AUTS2: variants seen among roughly 807,000 people sequenced by gnomAD.
AUTS2 encodes the protein autism susceptibility gene 2 protein.
In AUTS2, 17 loss-of-function variants were observed where a neutral mutation model predicts 112.4. The observed-to-expected ratio is 0.15, with a 90% CI of 0.10 to 0.23. AUTS2 has a LOEUF of 0.23. AUTS2 is among the 10% of genes least tolerant of loss of function. The pLI is 1.00. For synonymous variants in AUTS2, 751 were observed against 702.7 expected, an observed-to-expected ratio of 1.07 and a Z score of -1.09; for missense variants, 1,510 against 1,701.6, an observed-to-expected ratio of 0.89 and a Z score of 1.98.
At chr7:70,157,876 G>A (rs1172441376) in intron 4 of AUTS2, among the ~76,000 whole-genome samples, 1 of 152,172 alleles carries the variant, frequency 6.6e-6, no homozygotes, top group Non-Finnish European at 1.5e-5. Flanking sequence ...TAAGTTCATG[G>A]CCTTACAATG....
chr7:69,670,526 G>A (rs1796269365), intron 1 of AUTS2, among the ~76,000 whole-genome samples: 1 of 117,810 alleles, frequency 8.5e-6, no homozygotes, highest in Admixed American at 1.0e-4. Flanking sequence ...AAAACCATTA[G>A]TAACATGGTT....
intron 5 of AUTS2, among the ~76,000 whole-genome samples, chr7:70,554,370 CTTT>C (rs947429302): frequency 7.0e-6 from 1 of 143,244 alleles, no homozygotes; most frequent in African/African-American, 2.6e-5. Flanking sequence ...TGCCCGGCCT[CTTT>C]TTTTTCTTTT....
At chr7:69,740,534 CTTTTT>C (rs1787219401) in intron 1 of AUTS2, among the ~76,000 whole-genome samples, 1 of 128,242 alleles carries the variant, frequency 7.8e-6, no homozygotes, top group Non-Finnish European at 1.7e-5. Context: ...TTTTTTTTTT[CTTTTT>C]TGAGATGGAG....
chr7:70,401,605 G>A (rs1356669416), intron 4 of AUTS2, among the ~76,000 whole-genome samples: 1 of 152,158 alleles, frequency 6.6e-6, no homozygotes, highest in Non-Finnish European at 1.5e-5. Context: ...AGAGTAGAGA[G>A]GAAAGGATCC....
chr7:70,734,214 C>T (rs1273984059), intron 6 of AUTS2, among the ~76,000 whole-genome samples: 2 of 151,760 alleles, frequency 1.3e-5, no homozygotes, highest in Non-Finnish European at 2.9e-5. Context: ...CCGAGGCGGG[C>T]GGATCACGAG....
intron 2 of AUTS2, among the ~76,000 whole-genome samples, chr7:70,027,998 A>C (rs888382532): frequency 6.6e-6 from 1 of 152,122 alleles, no homozygotes; most frequent in Non-Finnish European, 1.5e-5. Context: ...TTGTGGCTTG[A>C]TCTTGATGAG....
chr7:69,993,641 G>T (rs747435316), intron 2 of AUTS2, among the ~76,000 whole-genome samples: 5 of 152,062 alleles, frequency 3.3e-5, no homozygotes, highest in Admixed American at 6.5e-5. Context: ...GGCTGAGGTA[G>T]GAGGATCGCT....
intron 1 of AUTS2, among the ~76,000 whole-genome samples, chr7:69,871,081 C>T (rs572606708): frequency 1.3e-5 from 2 of 152,206 alleles, no homozygotes; most frequent in East Asian, 3.9e-4. Flanking sequence ...TGTTGATATG[C>T]ACACATTTAA....
intron 2 of AUTS2, among the ~76,000 whole-genome samples, chr7:69,960,242 A>G (rs1414913372): frequency 6.6e-6 from 1 of 152,186 alleles, no homozygotes; most frequent in East Asian, 1.9e-4. Flanking sequence ...GCTGCGCTCT[A>G]AGTAGAGACA....
At chr7:70,454,744 G>T (rs1327173859) in intron 5 of AUTS2, among the ~76,000 whole-genome samples, 1 of 152,164 alleles carries the variant, frequency 6.6e-6, no homozygotes, top group Non-Finnish European at 1.5e-5. Flanking sequence ...CACTGAGGAG[G>T]AAAGTGGGCT....
At chr7:70,264,428 G>C (rs12698885) in intron 4 of AUTS2, among the ~76,000 whole-genome samples, 15,874 of 152,110 alleles carry the variant, frequency 0.1, 885 homozygotes, top group Admixed American at 0.13. Flanking sequence ...GGATGGTCTT[G>C]ATCTCTTGAC....
intron 4 of AUTS2, among the ~76,000 whole-genome samples, chr7:70,307,958 C>G (rs548684283): frequency 6.6e-6 from 1 of 152,288 alleles, no homozygotes; most frequent in South Asian, 2.1e-4. Flanking sequence ...ACAACATAAC[C>G]TGTTGAATAA....
intron 5 of AUTS2, among the ~76,000 whole-genome samples, chr7:70,469,895 C>T (rs1797313137): frequency 6.6e-6 from 1 of 152,202 alleles, no homozygotes; most frequent in African/African-American, 2.4e-5. Flanking sequence ...CTGCCTTGGC[C>T]TCCCAAAGTA....
At chr7:70,181,851 G>T (rs1326816337) in intron 4 of AUTS2, among the ~76,000 whole-genome samples, 2 of 135,836 alleles carry the variant, frequency 1.5e-5, no homozygotes, top group African/African-American at 5.6e-5. Flanking sequence ...AGGCTGGAGT[G>T]CAGTGGAATG....
chr7:70,771,530 T>A lies in AUTS2; in HGVS notation c.1735-19T>A. The A allele has an allele frequency of 6.3e-7, 1 of 1,593,878 alleles. No individual in the cohort carries two copies. The highest frequency in any genetic ancestry group is 8.6e-7 in the Non-Finnish European group (1 of 1,166,388). The stretch of plus-strand genomic sequence containing the variant: ...CTCCTACTAAAATCTTTTTTCCCCC[T>A]CTCCGTCTTTGGCCACAGCTCTTCC... On this transcript the variant is annotated intron_variant, in intron 10 of 18. Coordinates refer to ENST00000342771, the MANE Select transcript of AUTS2 (RefSeq NM_015570.4).
intron 4 of AUTS2, among the ~76,000 whole-genome samples, chr7:70,251,026 G>A (rs1323196635): frequency 6.6e-6 from 1 of 151,930 alleles, no homozygotes; most frequent in East Asian, 1.9e-4. Flanking sequence ...AATTAAAAAA[G>A]TATACATGTC....
At chr7:70,787,108 T>A (rs1472104139) in intron 17 of AUTS2, 101 bp from the exon 18 acceptor site, 1 of 1,059,568 alleles carries the variant, frequency 9.4e-7, no homozygotes, top group Non-Finnish European at 1.4e-6. Flanking sequence ...TGTATTCATT[T>A]TAACTCTGAA....
intron 4 of AUTS2, among the ~76,000 whole-genome samples, chr7:70,178,428 G>A (rs769634404): frequency 6.6e-6 from 1 of 152,014 alleles, no homozygotes; most frequent in Non-Finnish European, 1.5e-5. Flanking sequence ...GATTTTTATG[G>A]AAAGCTGTTT....
intron 4 of AUTS2, among the ~76,000 whole-genome samples, chr7:70,171,743 T>C (rs555036551): frequency 6.6e-6 from 1 of 152,320 alleles, no homozygotes; most frequent in African/African-American, 2.4e-5. Flanking sequence ...ATGGGAAAGA[T>C]TCAGCATTCC....
Sources: allele counts gnomAD v4.1 joint callset (sites outside exome capture counted in the v4.1 genomes callset), GRCh38; gene constraint gnomAD v4.1.1; transcripts MANE v1.5; gene names NCBI Gene and HGNC (gene_info 2026-07-23, HGNC 2026-07-21).